Variants in PAX7 observed in about 807,000 individuals in gnomAD.
PAX7 encodes the protein paired box protein Pax-7.
Under a neutral mutation model 50.7 loss-of-function variants are expected in PAX7, and 18 were observed. The observed-to-expected ratio is 0.36, with a 90% CI of 0.25 to 0.53. PAX7 has a LOEUF of 0.53. PAX7 is among the 20% of genes least tolerant of loss of function. The pLI is 0.93. For synonymous variants in PAX7, 310 were observed against 290.4 expected (o/e 1.07, Z -0.69); for missense variants, 644 against 702.9 (o/e 0.92, Z 0.95).
chr1:18,657,529 T>C (rs150598765), intron 4 of PAX7, among the ~76,000 whole-genome samples: 155 of 152,328 alleles, frequency 1.0e-3, no homozygotes, highest in African/African-American at 3.6e-3. Flanking sequence ...TCTTTCCTCC[T>C]AAGAAGCTCC....
chr1:18,672,601 T>TTTG (rs1553137157), intron 4 of PAX7, among the ~76,000 whole-genome samples: 3 of 146,958 alleles, frequency 2.0e-5, no homozygotes, highest in Non-Finnish European at 4.5e-5. Flanking sequence ...ACTGTGTTTT[T>TTTG]TTTTTTTTTT....
At chr1:18,732,686 C>T (rs2089661202) in intron 7 of PAX7, among the ~76,000 whole-genome samples, 2 of 152,142 alleles carry the variant, frequency 1.3e-5, no homozygotes, top group Admixed American at 1.3e-4. Flanking sequence ...AATGGGGAGC[C>T]ATTCATAATT....
chr1:18,658,548 AG>A, intron 4 of PAX7, among the ~76,000 whole-genome samples: 1 of 152,352 alleles, frequency 6.6e-6, no homozygotes, highest in East Asian at 1.9e-4. Context: ...TAACTTTCTC[AG>A]GGAATCATCT....
chr1:18,640,962 G>C (rs988776844), intron 4 of PAX7, among the ~76,000 whole-genome samples: 1 of 152,208 alleles, frequency 6.6e-6, no homozygotes, highest in Non-Finnish European at 1.5e-5. Flanking sequence ...GGCTGACAAG[G>C]CTCCCCTTTT....
intron 4 of PAX7, among the ~76,000 whole-genome samples, chr1:18,684,046 C>T (rs908360304): frequency 2.0e-5 from 3 of 152,170 alleles, no homozygotes; most frequent in African/African-American, 7.2e-5. Context: ...CTCCTCAGTG[C>T]CCGCTCTTCC....
chr1:18,667,465 A>T (rs16862119), intron 4 of PAX7, among the ~76,000 whole-genome samples: 14,070 of 150,860 alleles, frequency 0.093, 731 homozygotes, highest in East Asian at 0.14. Flanking sequence ...TTTGGTCTGC[A>T]CACACCCCGG....
At chr1:18,638,793 G>C (rs760381271) in intron 4 of PAX7, among the ~76,000 whole-genome samples, 4 of 152,182 alleles carry the variant, frequency 2.6e-5, no homozygotes, top group Non-Finnish European at 4.4e-5. Flanking sequence ...TCCTATTTGA[G>C]TTCCTGGGCT....
chr1:18,740,314 G>A (rs116522913), intron 8 of PAX7, among the ~76,000 whole-genome samples: 221 of 152,280 alleles, frequency 1.5e-3, no homozygotes, highest in African/African-American at 5.1e-3. Context: ...TACCTAGACA[G>A]GGCCTGGCAA....
chr1:18,634,153 A>G lies in PAX7; in HGVS notation c.86-150A>G, dbSNP rs2088105416. On this transcript the variant is annotated intron_variant, in intron 1 of 8. Transcript: ENST00000420770. This position sits in a 1 kb window ranked among gnomAD's most constrained non-coding sequence, Gnocchi z 4.0. ...CAGTTGTTTCTCAAACTACCTACCTACCGAAGCCCCAGTGTGAGGACCACC... is the reference window on the plus strand; with the variant it reads ...CAGTTGTTTCTCAAACTACCTACCTGCCGAAGCCCCAGTGTGAGGACCACC... 4.8e-6 allele frequency: 3 copies of G among 619,268 alleles called. No individual in the cohort carries two copies. In the Admixed American group the frequency reaches 8.4e-5, roughly 17 times the overall value. 38.4% of individuals were successfully genotyped at this position (619,268 alleles called of 1,614,324 possible). A position where few individuals can be genotyped will look rare whatever the true frequency, so the allele number is the denominator to read the frequency against.
At chr1:18,641,400 G>T (rs2100434816) in intron 4 of PAX7, among the ~76,000 whole-genome samples, 1 of 152,254 alleles carries the variant, frequency 6.6e-6, no homozygotes, top group Non-Finnish European at 1.5e-5. Flanking sequence ...GGACTCCGTG[G>T]GGAGCCAAGA....
intron 4 of PAX7, among the ~76,000 whole-genome samples, chr1:18,680,621 C>T (rs150685592): frequency 6.6e-6 from 1 of 152,194 alleles, no homozygotes; most frequent in Non-Finnish European, 1.5e-5. Context: ...ACCTCACTGC[C>T]TCTACTCTTC....
chr1:18,713,105 T>C (rs962187390), intron 7 of PAX7, among the ~76,000 whole-genome samples: 1 of 152,092 alleles, frequency 6.6e-6, no homozygotes, highest in Admixed American at 6.5e-5. Flanking sequence ...GGAGGGGCAC[T>C]CTGGGCCTCT....
chr1:18,638,280 T>C (rs2100427126), intron 4 of PAX7, among the ~76,000 whole-genome samples: 1 of 152,256 alleles, frequency 6.6e-6, no homozygotes, highest in South Asian at 2.1e-4. Flanking sequence ...GGAAAGATCG[T>C]GCGGTTTGGA....
chr1:18,703,406 G>C, intron 7 of PAX7, 110 bp downstream of exon 7: 1 of 978,348 alleles, frequency 1.0e-6, no homozygotes. Flanking sequence ...GGCTGACTGC[G>C]GTTGGGGTTT....
chr1:18,684,959 C>T (rs1350368058), intron 4 of PAX7, among the ~76,000 whole-genome samples: 3 of 152,128 alleles, frequency 2.0e-5, no homozygotes, highest in Admixed American at 6.5e-5. Context: ...CCTCTGTGAG[C>T]TGGGTAGATT....
intron 7 of PAX7, among the ~76,000 whole-genome samples, chr1:18,728,972 A>T (rs1053954528): frequency 3.3e-5 from 5 of 152,264 alleles, no homozygotes; most frequent in African/African-American, 1.2e-4. Context: ...GGAGAGGCCC[A>T]TCTCTCTTGC....
intron 5 of PAX7, among the ~76,000 whole-genome samples, chr1:18,692,523 C>T (rs2089088005): frequency 7.1e-6 from 1 of 140,752 alleles, no homozygotes; most frequent in African/African-American, 2.7e-5. Context: ...GCCTGGGTGA[C>T]AGAGCGAGAC....
chr1:18,736,663 G>A (rs1361235833), intron 8 of PAX7, among the ~76,000 whole-genome samples: 2 of 152,034 alleles, frequency 1.3e-5, no homozygotes, highest in African/African-American at 4.8e-5. Context: ...TTTTAATTCG[G>A]ACACTGAGTT....
chr1:18,679,828 T>C (rs754652112), intron 4 of PAX7, among the ~76,000 whole-genome samples: 1 of 152,244 alleles, frequency 6.6e-6, no homozygotes, highest in Non-Finnish European at 1.5e-5. Flanking sequence ...CATTTGTTCA[T>C]TCATTCATCC....
Sources: allele counts gnomAD v4.1 joint callset (sites outside exome capture counted in the v4.1 genomes callset), GRCh38; gene constraint gnomAD v4.1.1; non-coding constraint Gnocchi (gnomAD v3.1); transcripts MANE v1.5; gene names NCBI Gene and HGNC (gene_info 2026-07-23, HGNC 2026-07-21).